The following EFCAB7 variants were observed in gnomAD, a reference collection of about 807,000 sequenced individuals.
The protein encoded by EFCAB7 is EF-hand calcium-binding domain-containing protein 7.
Under a neutral mutation model 77.1 loss-of-function variants are expected in EFCAB7, and 66 were observed. That is an observed-to-expected ratio of 0.86 (90% CI 0.70 to 1.05). EFCAB7 has a LOEUF of 1.05. Among genes scored for constraint, EFCAB7 ranks in the 50% least tolerant of loss-of-function variants. EFCAB7 has a pLI of 0.00. For missense variants in EFCAB7, 638 were observed against 730.5 expected (o/e 0.87, Z 1.46); for synonymous variants, 225 against 243.3 (o/e 0.92, Z 0.70).
chr1:63,568,584 C>T, intron 12 of EFCAB7, 65 bp downstream of exon 12: 1 of 1,268,536 alleles, frequency 7.9e-7, no homozygotes, highest in Non-Finnish European at 1.1e-6. Context: ...TCATCTTATT[C>T]CTTACTCTAT....
intron 1 of EFCAB7, among the ~76,000 whole-genome samples, chr1:63,524,536 T>C (rs1310496514): frequency 6.6e-6 from 1 of 152,212 alleles, no homozygotes; most frequent in Non-Finnish European, 1.5e-5. Context: ...ATGCAATGAG[T>C]CCTGAAGGGG....
At chr1:63,583,903 G>T in the EFCAB7 span, among the ~76,000 whole-genome samples, 2 of 122,258 alleles carry the variant, frequency 1.6e-5, no homozygotes, top group African/African-American at 3.2e-5. Context: ...ATTTATGACA[G>T]ACCTAATCAA....
rs766179640 is a variant in EFCAB7, at chr1:63,572,520, ATTATAC to A, written c.*8_*13del. 1.6e-5 allele frequency: 23 copies of A among 1,469,020 alleles called. No individual in the cohort carries two copies. The East Asian group carries it at 5.0e-4, about 32-fold the overall frequency. The allele number at this position is 1,469,020 out of a possible 1,614,324, so 91.0% of individuals were successfully genotyped here. Reference sequence around the variant, plus strand: ...TATATATTCTCTTATTTCTTAAATAATTATACTTAGAACTTACCAAACTAAGAATTA... The same window carrying A: ...TATATATTCTCTTATTTCTTAAATAATTAGAACTTACCAAACTAAGAATTA... On this transcript the variant is annotated 3_prime_UTR_variant, in exon 14 of 14. Coordinates refer to ENST00000371088, the MANE Select transcript of EFCAB7 (RefSeq NM_032437.4).
In EFCAB7 at chr1:63,561,757, A is replaced by G; in HGVS notation, c.1397A>G (p.Asp466Gly). 1 of 1,610,970 alleles carries G rather than the reference A, an allele frequency of 6.2e-7. No individual in the cohort carries two copies. The highest frequency in any genetic ancestry group is 8.5e-7 in the Non-Finnish European group (1 of 1,177,974). Residue 466 changes from aspartate to glycine, a missense_variant, in exon 11 of 14, where the codon GAT (aspartate) becomes GGT (glycine). By Grantham distance (94) the Asp-to-Gly change is moderately conservative. Transcript: ENST00000371088. ...RNELTRQGFM[D>G]LNLMEANDRE... ...GAACTAACAAGACAAGGATTTATGG[A>G]TTTGAATCTAATGGAAGCTAATGAT... is the stretch of plus-strand genomic sequence containing the variant.
chr1:63,559,720 A>G (rs997187733), intron 10 of EFCAB7, among the ~76,000 whole-genome samples: 2 of 152,062 alleles, frequency 1.3e-5, no homozygotes, highest in Admixed American at 6.6e-5. Context: ...GTACAGTTCT[A>G]TGGGTTTTGA....
At chr1:63,536,440 G>A (rs1329628219) in intron 6 of EFCAB7, among the ~76,000 whole-genome samples, 1 of 152,050 alleles carries the variant, frequency 6.6e-6, no homozygotes, top group Non-Finnish European at 1.5e-5. Flanking sequence ...TGGAATGCAG[G>A]TGGGATCTTG....
At chr1:63,531,069 A>G (rs1334121295) in intron 2 of EFCAB7, among the ~76,000 whole-genome samples, 1 of 152,082 alleles carries the variant, frequency 6.6e-6, no homozygotes, top group Non-Finnish European at 1.5e-5. Flanking sequence ...AACTATAGTC[A>G]CCATACTGTG....
At chr1:63,562,449 TTATATATATATATATATATATATATA>T (rs869302346) in intron 11 of EFCAB7, among the ~76,000 whole-genome samples, 23 of 22,466 alleles carry the variant, frequency 1.0e-3, no homozygotes, top group Admixed American at 1.5e-3. Flanking sequence ...CTTAATTTAT[TTATATATATATATATATATATATATA>T]TATATATATA....
chr1:63,540,437 C>T (rs2100885834), intron 6 of EFCAB7, among the ~76,000 whole-genome samples: 1 of 150,390 alleles, frequency 6.6e-6, no homozygotes. Flanking sequence ...CATTGTATCA[C>T]AGATAATAAA....
chr1:63,568,286 AAC>A, intron 11 of EFCAB7, 22 bp from the exon 12 acceptor site: 7 of 1,565,856 alleles, frequency 4.5e-6, no homozygotes, highest in Non-Finnish European at 6.1e-6. Context: ...AAAAGGCTGA[AAC>A]AAGATTTTTT....
chr1:63,545,877 A>T, intron 6 of EFCAB7, 39 bp from the exon 7 acceptor site: 1 of 1,567,814 alleles, frequency 6.4e-7, no homozygotes. Flanking sequence ...GGAAACATTT[A>T]ATAAATATTG....
chr1:63,541,605 C>A (rs1646829755), intron 6 of EFCAB7, among the ~76,000 whole-genome samples: 1 of 151,744 alleles, frequency 6.6e-6, no homozygotes, highest in East Asian at 1.9e-4. Context: ...TGCCGTGTTA[C>A]CCAGGCTGGA....
intron 7 of EFCAB7, chr1:63,549,406 A>G (rs1324034068): frequency 2.1e-6 from 1 of 469,052 alleles, no homozygotes; most frequent in Non-Finnish European, 4.4e-6. Context: ...AAGAGTTCCA[A>G]TATTGAACAT....
chr1:63,549,804 A>T (rs1205570250), intron 7 of EFCAB7: 2 of 169,524 alleles, frequency 1.2e-5, no homozygotes, highest in African/African-American at 4.8e-5. Flanking sequence ...TGTTAAAATT[A>T]CTGTGAAAGA....
At chr1:63,584,219 A>G in the EFCAB7 span, among the ~76,000 whole-genome samples, 2 of 152,238 alleles carry the variant, frequency 1.3e-5, no homozygotes, top group Non-Finnish European at 1.5e-5. Context: ...TGTACTGTAT[A>G]GAAACATTTT....
At chr1:63,534,390 A>T in intron 6 of EFCAB7, 174 bp downstream of exon 6, 5 of 500,306 alleles carry the variant, frequency 1.0e-5, no homozygotes, top group Non-Finnish European at 1.7e-5. Context: ...AAAATGATGA[A>T]TATTATTATA....
At chr1:63,557,510 A>G (rs1647046560) in intron 10 of EFCAB7, among the ~76,000 whole-genome samples, 1 of 152,236 alleles carries the variant, frequency 6.6e-6, no homozygotes, top group South Asian at 2.1e-4. Flanking sequence ...CGGGGTTTAG[A>G]AGACAAAAAA....
intron 7 of EFCAB7, chr1:63,548,998 A>C (rs564866653): frequency 3.5e-4 from 63 of 177,534 alleles, no homozygotes; most frequent in Admixed American, 4.9e-4. Context: ...TCATCAATCT[A>C]GCGGAAGAGA....
chr1:63,568,238 A>C, intron 11 of EFCAB7, 72 bp from the exon 12 acceptor site: 1 of 1,311,482 alleles, frequency 7.6e-7, no homozygotes, highest in Non-Finnish European at 1.0e-6. Flanking sequence ...ATATCTTCTT[A>C]TATGGTAACA....
Sources: gnomAD v4.1 joint callset for allele counts (sites outside exome capture counted in the v4.1 genomes callset) on GRCh38, gnomAD v4.1.1 for gene constraint, MANE v1.5 for transcripts, NCBI Gene and HGNC (gene_info 2026-07-23, HGNC 2026-07-21) for gene names.